Variants in MAGI1 observed in about 807,000 individuals in gnomAD.
The protein encoded by MAGI1 is membrane-associated guanylate kinase, WW and PDZ domain-containing protein 1.
A neutral mutation model predicts 139.9 loss-of-function variants in MAGI1; 58 were observed. The ratio of observed to expected loss-of-function variants is 0.41; its 90% CI spans 0.34 to 0.52. The LOEUF (loss-of-function observed/expected upper bound fraction) is 0.52, where lower values mean the gene tolerates loss of function less well. Ranked by LOEUF, MAGI1 falls within the 20% of genes least tolerant of loss-of-function variation. MAGI1 has a pLI of 0.12. For missense variants in MAGI1, 1,874 were observed against 1,901.6 expected, an observed-to-expected ratio of 0.99 and a Z score of 0.27; for synonymous variants, 812 against 737.9, an observed-to-expected ratio of 1.10 and a Z score of -1.63.
At chr3:65,522,350 G>A (rs903827115) in intron 2 of MAGI1, among the ~76,000 whole-genome samples, 6 of 152,104 alleles carry the variant, frequency 3.9e-5, no homozygotes, top group Non-Finnish European at 7.4e-5. Flanking sequence ...ACAAGCATAG[G>A]CTGCTGGAGT....
At chr3:65,539,836 A>G (rs757852556) in intron 2 of MAGI1, among the ~76,000 whole-genome samples, 111 of 152,222 alleles carry the variant, frequency 7.3e-4, no homozygotes, top group Non-Finnish European at 2.1e-4. Context: ...TTTCACCACA[A>G]GTGCATTTTC....
chr3:65,890,855 CA>C (rs1430136206), intron 1 of MAGI1, among the ~76,000 whole-genome samples: 6 of 152,146 alleles, frequency 3.9e-5, no homozygotes, highest in Admixed American at 2.6e-4. Flanking sequence ...TGGAACAGCA[CA>C]AAACATTAAC....
chr3:65,362,385 C>T (rs1182137759), intron 21 of MAGI1, among the ~76,000 whole-genome samples: 2 of 151,916 alleles, frequency 1.3e-5, no homozygotes, highest in African/African-American at 4.8e-5. Flanking sequence ...GATTAAAAGG[C>T]AAGGGAAAAT....
At chr3:65,761,706 C>T (rs925258698) in intron 1 of MAGI1, among the ~76,000 whole-genome samples, 1 of 152,140 alleles carries the variant, frequency 6.6e-6, no homozygotes, top group African/African-American at 2.4e-5. Context: ...CTAGAATGCA[C>T]AATTTCGTGT....
At chr3:65,578,238 T>G (rs1353586074) in intron 2 of MAGI1, among the ~76,000 whole-genome samples, 4 of 152,166 alleles carry the variant, frequency 2.6e-5, no homozygotes, top group Non-Finnish European at 5.9e-5. Flanking sequence ...TATCCTGAGA[T>G]GAAATCGCAC....
In MAGI1 at chr3:65,904,601, C is replaced by CA. The variant is rs1410459670; in HGVS notation, c.313+133394dup. Among the ~76,000 whole-genome samples the CA allele has an allele frequency of 2.9e-4, 44 of 152,348 alleles. 1 individual carries two copies. Among genetic ancestry groups the CA allele is most frequent in the Non-Finnish European group, 2.2e-4 (15 of 68,040 alleles). On this transcript the variant is annotated intron_variant, in intron 1 of 22. Coordinates refer to ENST00000402939, the MANE Select transcript of MAGI1 (RefSeq NM_001033057.2). ...CTAGGATGTAGCTTCCACCATCCCT[C>CA]AGCCCAGAATGCCCTTTCTCCATCA...
chr3:65,931,957 T>C (rs1452320442), intron 1 of MAGI1, among the ~76,000 whole-genome samples: 7 of 152,182 alleles, frequency 4.6e-5, no homozygotes, highest in Non-Finnish European at 1.0e-4. Flanking sequence ...ATCACATTTT[T>C]AAATACTTTC....
chr3:65,959,582 G>A (rs978240470), intron 1 of MAGI1, among the ~76,000 whole-genome samples: 2 of 149,462 alleles, frequency 1.3e-5, no homozygotes, highest in Admixed American at 1.3e-4. Context: ...CTACAGACAT[G>A]GGCCACCATC....
chr3:65,535,844 A>G (rs1003610265), intron 2 of MAGI1, among the ~76,000 whole-genome samples: 2 of 152,226 alleles, frequency 1.3e-5, no homozygotes, highest in African/African-American at 4.8e-5. Flanking sequence ...CTTAAAGTCA[A>G]AATCACCCTT....
chr3:65,562,710 A>G (rs764837841), intron 2 of MAGI1, among the ~76,000 whole-genome samples: 2 of 152,240 alleles, frequency 1.3e-5, no homozygotes, highest in Non-Finnish European at 2.9e-5. Context: ...AATAATTAAC[A>G]GGTAAGAAAG....
chr3:65,534,332 T>C (rs992556361), intron 2 of MAGI1, among the ~76,000 whole-genome samples: 4 of 151,728 alleles, frequency 2.6e-5, no homozygotes, highest in African/African-American at 9.7e-5. Flanking sequence ...AATAAATAAA[T>C]AAATGAAAAT....
At chr3:65,549,496 C>T (rs1390690959) in intron 2 of MAGI1, 1 of 985,378 alleles carries the variant, frequency 1.0e-6, no homozygotes, top group East Asian at 1.1e-4. Context: ...CATCCCCGCG[C>T]GTCTGAGCGG....
rs535155633 is a variant in MAGI1, at chr3:65,853,412, T to C, written c.313+184584A>G. ...TAGTAGGGCAAAGATAAGATCTTAA[T>C]TCATTCACCTATGCATACTTTGTGC... On this transcript the variant is annotated intron_variant, in intron 1 of 22. Transcript: ENST00000402939. Among the ~76,000 whole-genome samples, 4 of 152,356 alleles carry C rather than the reference T, an allele frequency of 2.6e-5. No individual in the cohort carries two copies. The South Asian group carries it at 6.2e-4, about 24-fold the overall frequency.
At chr3:65,440,162 A>T in intron 8 of MAGI1, 150 bp from the exon 9 acceptor site, 1 of 891,668 alleles carries the variant, frequency 1.1e-6, no homozygotes, top group Admixed American at 2.4e-5. Flanking sequence ...TAGAAAGAGG[A>T]AATAAAAATG....
At position 65,554,922 on chromosome 3, in the gene MAGI1, G is replaced by A. The variant is rs147557089; in HGVS notation, c.431-61291C>T. On this transcript the variant is annotated intron_variant, in intron 2 of 22. Transcript: ENST00000402939. ...ATCCTGCAACACAAAAAGGACATTA[G>A]TGGAGGGGAAAATGGTGAACTCCAA... 3.9e-5 allele frequency among the ~76,000 whole-genome samples: 6 copies of A among 152,338 alleles called. No individual in the cohort carries two copies. In the South Asian group the frequency reaches 1.0e-3, roughly 26 times the overall value.
At chr3:65,439,800 G>C in intron 9 of MAGI1, 79 bp downstream of exon 9, 1 of 1,596,692 alleles carries the variant, frequency 6.3e-7, no homozygotes, top group Non-Finnish European at 8.5e-7. Flanking sequence ...GGCCAGTTCT[G>C]ACCACACGAG....
chr3:65,675,108 A>G (rs902142948), intron 1 of MAGI1, among the ~76,000 whole-genome samples: 3 of 152,184 alleles, frequency 2.0e-5, no homozygotes, highest in Non-Finnish European at 2.9e-5. Context: ...GATCTCCCCA[A>G]CAAAACTTCA....
Position 65,707,689 on chromosome 3 carries a change from CAAA to C in MAGI1, c.314-85604_314-85602del, listed in dbSNP as rs57489811. Among the ~76,000 whole-genome samples the C allele has an allele frequency of 1.7e-3, 147 of 88,106 alleles. 1 individual carries two copies. Among genetic ancestry groups the C allele is most frequent in the African/African-American group, 3.4e-3 (81 of 23,642 alleles). 57.8% of individuals were successfully genotyped at this position (88,106 alleles called of 152,430 possible). ...TGGGTGACAGAGTGATACCCTATCT[CAAA>C]AAAAAAAAAAAAAAAAAAGTTGGCA... On this transcript the variant is annotated intron_variant, in intron 1 of 22. Coordinates refer to ENST00000402939, the MANE Select transcript of MAGI1 (RefSeq NM_001033057.2).
At chr3:65,847,560 T>C (rs568075054) in intron 1 of MAGI1, among the ~76,000 whole-genome samples, 15 of 152,352 alleles carry the variant, frequency 9.8e-5, no homozygotes, top group Admixed American at 2.6e-4. Flanking sequence ...CTAGTGCATT[T>C]TCTTAAATAT....
Sources: allele counts gnomAD v4.1 joint callset (sites outside exome capture counted in the v4.1 genomes callset), GRCh38; gene constraint gnomAD v4.1.1; transcripts MANE v1.5; gene names NCBI Gene and HGNC (gene_info 2026-07-23, HGNC 2026-07-21).